SGSM1: variants seen among roughly 807,000 people sequenced by gnomAD.
SGSM1 encodes RUN and TBC1 domain containing 2.
Under a neutral mutation model 133.8 loss-of-function variants are expected in SGSM1, and 73 were observed. That is an observed-to-expected ratio of 0.55 (90% CI 0.45 to 0.66). The LOEUF (loss-of-function observed/expected upper bound fraction) is 0.66. SGSM1 is among the 30% of genes least tolerant of loss of function. SGSM1 has a pLI of 0.00. For synonymous variants in SGSM1, 563 were observed against 573.0 expected (o/e 0.98, Z 0.25); for missense variants, 1,213 against 1,448.1 (o/e 0.84, Z 2.64).
rs763888615 is a variant in SGSM1, at chr22:24,859,795, A to G, written c.881A>G (p.Asn294Ser). The G allele has an allele frequency of 1.2e-6, 2 of 1,613,894 alleles. No individual in the cohort carries two copies. The highest frequency in any genetic ancestry group is 2.2e-5 in the South Asian group (2 of 91,074). Residue 294 changes from asparagine to serine, a missense_variant, in exon 9 of 25, where the codon AAC becomes AGC. Asn to Ser is a conservative substitution (Grantham distance 46). Transcript: ENST00000400358. The stretch of plus-strand genomic sequence containing the variant: ...GTCATGACCTTGAAGTGGACACCCA[A>G]CCAGCTGATGAACGGGTCTGTGGGG... ...ADVMTLKWTP[N>S]QLMNGSVGDL...
At chr22:24,869,056 G>C (rs959992698) in intron 12 of SGSM1, among the ~76,000 whole-genome samples, 1 of 152,134 alleles carries the variant, frequency 6.6e-6, no homozygotes, top group Non-Finnish European at 1.5e-5. Flanking sequence ...TAATAAAGTT[G>C]CCACTAGGAG....
rs16979114 is a variant in SGSM1 at position 24,871,925 on chromosome 22, G to A, written c.1291+3070G>A. Among the ~76,000 whole-genome samples the A allele has an allele frequency of 8.1e-3, 1,227 of 152,326 alleles. 16 individuals carry two copies. The highest frequency in any genetic ancestry group is 0.028 in the African/African-American group (1,150 of 41,578). On this transcript the variant is annotated intron_variant, in intron 12 of 24. Coordinates refer to ENST00000400358, the MANE Select transcript of SGSM1 (RefSeq NM_001098497.3). ...AAGAGATAAGAAGTTCTTTCTGAAA[G>A]AGTGCCTAAATCAGAAGTCAACAAA...
intron 16 of SGSM1, 84 bp downstream of exon 16, chr22:24,886,812 T>C: frequency 6.9e-7 from 1 of 1,451,470 alleles, no homozygotes; most frequent in Non-Finnish European, 9.2e-7. Flanking sequence ...GGTTCCACGC[T>C]GGACCAAGGA....
At chr22:24,825,809 C>G (rs571416505) in intron 2 of SGSM1, among the ~76,000 whole-genome samples, 1 of 152,172 alleles carries the variant, frequency 6.6e-6, no homozygotes, top group Non-Finnish European at 1.5e-5. Context: ...CAGTTTCTTC[C>G]GGAGGTAAGC....
At chr22:24,835,441 G>A (rs6004307) in intron 2 of SGSM1, among the ~76,000 whole-genome samples, 28,715 of 152,070 alleles carry the variant, frequency 0.19, 2,886 homozygotes, top group Non-Finnish European at 0.23. Flanking sequence ...CTCATAGAGC[G>A]TAGAGGCCAT....
chr22:24,852,697 C>A (rs1001654231), intron 5 of SGSM1, among the ~76,000 whole-genome samples: 2 of 152,170 alleles, frequency 1.3e-5, no homozygotes, highest in African/African-American at 4.8e-5. Flanking sequence ...CCCACCTTGG[C>A]CTCCCAAAGT....
intron 2 of SGSM1, among the ~76,000 whole-genome samples, chr22:24,840,171 C>G (rs559989228): frequency 4.6e-5 from 7 of 152,058 alleles, no homozygotes; most frequent in Non-Finnish European, 8.8e-5. Context: ...GTCTCGATCT[C>G]CTGACCTCGT....
intron 19 of SGSM1, among the ~76,000 whole-genome samples, chr22:24,899,733 G>A (rs1385723829): frequency 6.6e-6 from 1 of 151,940 alleles, no homozygotes; most frequent in Non-Finnish European, 1.5e-5. Flanking sequence ...GGGTTGGCCA[G>A]GATGGTCTCG....
chr22:24,831,594 C>A lies in SGSM1; in HGVS notation c.64-13303C>A, dbSNP rs955777603. 3.3e-5 allele frequency among the ~76,000 whole-genome samples: 5 copies of A among 152,172 alleles called. No homozygotes were observed. The South Asian group carries it at 1.0e-3, about 31-fold the overall frequency. On this transcript the variant is annotated intron_variant, in intron 2 of 24. Transcript: ENST00000400358. ...CGAGGAGCCTGGAGGCAGTCAGGGC[C>A]TTCTCACGCTCCCTCCTCTGCCCTT...
At chr22:24,856,205 G>A (rs1235005580) in intron 8 of SGSM1, 1 of 293,982 alleles carries the variant, frequency 3.4e-6, no homozygotes, top group East Asian at 9.2e-5. Context: ...ATGGTAGCAA[G>A]ATCTTCATTC....
intron 22 of SGSM1, among the ~76,000 whole-genome samples, chr22:24,914,048 T>C (rs921107821): frequency 4.6e-5 from 7 of 151,624 alleles, no homozygotes; most frequent in Non-Finnish European, 1.0e-4. Flanking sequence ...CCCAGCACTT[T>C]GGGAGGTTGA....
At chr22:24,835,261 T>A (rs1929361521) in intron 2 of SGSM1, among the ~76,000 whole-genome samples, 1 of 152,152 alleles carries the variant, frequency 6.6e-6, no homozygotes, top group South Asian at 2.1e-4. Flanking sequence ...TGCTACTGAT[T>A]GTTGAGCACA....
chr22:24,841,052 G>A (rs2330933), intron 2 of SGSM1, among the ~76,000 whole-genome samples: 50,846 of 151,706 alleles, frequency 0.34, 10,266 homozygotes, highest in African/African-American at 0.58. Context: ...GGGTTTCACC[G>A]TGTTAGCCAA....
At chr22:24,889,405 G>C (rs1052485557) in intron 16 of SGSM1, among the ~76,000 whole-genome samples, 3 of 147,088 alleles carry the variant, frequency 2.0e-5, no homozygotes, top group African/African-American at 7.6e-5. Context: ...GTTATTAAAT[G>C]TATTTCTTTT....
At chr22:24,827,107 G>A (rs1348049228) in intron 2 of SGSM1, among the ~76,000 whole-genome samples, 1 of 152,116 alleles carries the variant, frequency 6.6e-6, no homozygotes, top group East Asian at 1.9e-4. Flanking sequence ...CTCATCTGGG[G>A]TTCAGAGGAG....
rs369035638 is a variant in SGSM1 at position 24,879,248 on chromosome 22, G to A, written c.1431-214G>A. On this transcript the variant is annotated intron_variant, in intron 13 of 24. Transcript: ENST00000400358. ...CCACATACAAACCACACAGACAGTT[G>A]TGGAGAGCGTGATTTCTCAAGGGAA... Among the ~76,000 whole-genome samples, 7 of 152,306 alleles carry A rather than the reference G, an allele frequency of 4.6e-5. No individual in the cohort carries two copies. The East Asian group carries it at 1.2e-3, about 25-fold the overall frequency.
At chr22:24,859,088 G>A (rs547853812) in intron 8 of SGSM1, among the ~76,000 whole-genome samples, 1 of 152,200 alleles carries the variant, frequency 6.6e-6, no homozygotes, top group Admixed American at 6.5e-5. Flanking sequence ...GCGTGTGAAG[G>A]CTGAGCCGTG....
intron 5 of SGSM1, among the ~76,000 whole-genome samples, chr22:24,853,621 T>A (rs1372826663): frequency 6.6e-6 from 1 of 151,990 alleles, no homozygotes; most frequent in African/African-American, 2.4e-5. Context: ...TTCTTTTTTT[T>A]TTTGAGATGG....
intron 15 of SGSM1, among the ~76,000 whole-genome samples, chr22:24,885,580 CTG>C (rs1601954624): frequency 6.6e-6 from 1 of 151,954 alleles, no homozygotes; most frequent in Non-Finnish European, 1.5e-5. Flanking sequence ...TTGGGCACCA[CTG>C]TGCCCAGCTA....
Sources: gnomAD v4.1 joint callset for allele counts (sites outside exome capture counted in the v4.1 genomes callset) on GRCh38, gnomAD v4.1.1 for gene constraint, MANE v1.5 for transcripts, NCBI Gene and HGNC (gene_info 2026-07-23, HGNC 2026-07-21) for gene names.